The following PAK5 variants were observed in gnomAD, a reference collection of about 807,000 sequenced individuals.
PAK5 encodes the protein p21 (RAC1) activated kinase 5, also known as serine/threonine-protein kinase PAK 5.
In PAK5, 16 loss-of-function variants were observed where a neutral mutation model predicts 65.9. The observed-to-expected ratio is 0.24, with a 90% CI of 0.16 to 0.37. PAK5 has a LOEUF of 0.37. PAK5 is among the 10% of genes least tolerant of loss of function. The pLI is 1.00. For missense variants in PAK5, 785 were observed against 903.9 expected (o/e 0.87, Z 1.69); for synonymous variants, 371 against 354.9 (o/e 1.05, Z -0.51).
rs372998735 is a variant in PAK5 at position 9,691,660 on chromosome 20, CA to C, written c.-12+19625del. On this transcript the variant is annotated intron_variant, in intron 2 of 9. Transcript: ENST00000353224. ...ACCTAATTTTAATGATTAATATTCA[CA>C]AATAAGTCACAAATCATAGTCTATT... Among the ~76,000 whole-genome samples the C allele has an allele frequency of 7.1e-3, 1,074 of 152,192 alleles. 16 individuals carry two copies. Among genetic ancestry groups the C allele is most frequent in the African/African-American group, 0.025 (1,021 of 41,508 alleles).
intron 2 of PAK5, among the ~76,000 whole-genome samples, chr20:9,662,987 A>G (rs2123338698): frequency 6.6e-6 from 1 of 152,308 alleles, no homozygotes; most frequent in South Asian, 2.1e-4. Context: ...CAAATATAAA[A>G]TGGCAACAAT....
At chr20:9,648,795 C>A (rs2123290850) in intron 2 of PAK5, among the ~76,000 whole-genome samples, 1 of 152,284 alleles carries the variant, frequency 6.6e-6, no homozygotes, top group Non-Finnish European at 1.5e-5. Flanking sequence ...CTGTATTTAC[C>A]TTCTCTGCCA....
intron 4 of PAK5, among the ~76,000 whole-genome samples, chr20:9,569,574 A>G (rs960821857): frequency 1.3e-5 from 2 of 152,166 alleles, no homozygotes; most frequent in East Asian, 1.9e-4. Context: ...AGGAAGGGCT[A>G]ATGAATCCTG....
At chr20:9,746,943 T>C (rs1448533829) in intron 1 of PAK5, among the ~76,000 whole-genome samples, 1 of 151,924 alleles carries the variant, frequency 6.6e-6, no homozygotes, top group Non-Finnish European at 1.5e-5. Flanking sequence ...ACTAGCAAGA[T>C]TAACAAAGCA....
At chr20:9,632,646 T>A (rs1275952573) in intron 3 of PAK5, among the ~76,000 whole-genome samples, 3 of 152,226 alleles carry the variant, frequency 2.0e-5, no homozygotes, top group Non-Finnish European at 4.4e-5. Context: ...GATTTCTACA[T>A]GATCGAATCA....
At chr20:9,671,457 T>C (rs1247246286) in intron 2 of PAK5, among the ~76,000 whole-genome samples, 1 of 152,030 alleles carries the variant, frequency 6.6e-6, no homozygotes, top group Non-Finnish European at 1.5e-5. Flanking sequence ...CATTGAGCAG[T>C]GGTTTGTAGT....
At chr20:9,699,356 C>T (rs1383719913) in intron 2 of PAK5, among the ~76,000 whole-genome samples, 3 of 151,994 alleles carry the variant, frequency 2.0e-5, no homozygotes, top group Admixed American at 6.6e-5. Flanking sequence ...CTTTTAGGTA[C>T]TTTCCAATTG....
At chr20:9,676,838 T>C (rs2047579477) in intron 2 of PAK5, among the ~76,000 whole-genome samples, 1 of 152,192 alleles carries the variant, frequency 6.6e-6, no homozygotes, top group South Asian at 2.1e-4. Flanking sequence ...CAGTTTTGTA[T>C]ATTTGCTGAT....
chr20:9,690,721 G>A (rs1006172548), intron 2 of PAK5, among the ~76,000 whole-genome samples: 4 of 149,048 alleles, frequency 2.7e-5, no homozygotes, highest in African/African-American at 9.9e-5. Context: ...TCCAGGGGTA[G>A]TCCTCAGCAT....
chr20:9,643,357 C>T (rs1381725886), intron 3 of PAK5, among the ~76,000 whole-genome samples: 1 of 152,162 alleles, frequency 6.6e-6, no homozygotes, highest in East Asian at 1.9e-4. Flanking sequence ...ACTGCAATCC[C>T]TGGATTTTCT....
intron 3 of PAK5, among the ~76,000 whole-genome samples, chr20:9,595,237 G>C (rs9917477): frequency 0.057 from 8,626 of 151,936 alleles, 388 homozygotes; most frequent in African/African-American, 0.13. Flanking sequence ...AACAGAAAAG[G>C]AAAAATGATT....
chr20:9,545,208 C>T (rs186685181), intron 7 of PAK5, among the ~76,000 whole-genome samples: 69 of 152,126 alleles, frequency 4.5e-4, no homozygotes, highest in Admixed American at 1.2e-3. Flanking sequence ...TGTTATTTAC[C>T]TTAGATATCA....
Position 9,708,791 on chromosome 20 carries a change from G to A in PAK5, c.-12+2495C>T, listed in dbSNP as rs2048041096. 5.3e-5 allele frequency among the ~76,000 whole-genome samples: 8 copies of A among 152,262 alleles called. No individual in the cohort carries two copies. In the South Asian group the frequency reaches 1.0e-3, roughly 20 times the overall value. On this transcript the variant is annotated intron_variant, in intron 2 of 9. Coordinates refer to ENST00000353224, the MANE Select transcript of PAK5 (RefSeq NM_177990.4). ...CCCTTAGTCGAGACATATGGGAGAAGATAGCTAAATACCCTAATTTCCATG... is the reference window on the plus strand; with the variant it reads ...CCCTTAGTCGAGACATATGGGAGAAAATAGCTAAATACCCTAATTTCCATG...
At chr20:9,641,236 A>G (rs1430460438) in intron 3 of PAK5, among the ~76,000 whole-genome samples, 2 of 151,694 alleles carry the variant, frequency 1.3e-5, no homozygotes, top group Non-Finnish European at 2.9e-5. Flanking sequence ...TGAGCTAAAC[A>G]CAGGGTGCTG....
At chr20:9,609,884 T>C (rs1264710335) in intron 3 of PAK5, among the ~76,000 whole-genome samples, 1 of 152,222 alleles carries the variant, frequency 6.6e-6, no homozygotes, top group African/African-American at 2.4e-5. Context: ...CAGATGGATA[T>C]GTAACACTCT....
At chr20:9,764,304 G>T (rs2048732241) in intron 1 of PAK5, among the ~76,000 whole-genome samples, 1 of 152,062 alleles carries the variant, frequency 6.6e-6, no homozygotes, top group Non-Finnish European at 1.5e-5. Context: ...TAACAGTTTT[G>T]GTAGGCATAC....
intron 1 of PAK5, among the ~76,000 whole-genome samples, chr20:9,806,780 T>C (rs932215342): frequency 5.9e-5 from 9 of 152,198 alleles, no homozygotes; most frequent in African/African-American, 2.2e-4. Context: ...TTATATTAAT[T>C]TCCTATCGCT....
At chr20:9,555,773 A>G (rs995930627) in intron 7 of PAK5, among the ~76,000 whole-genome samples, 2 of 152,212 alleles carry the variant, frequency 1.3e-5, no homozygotes, top group African/African-American at 2.4e-5. Context: ...TAAATATAAT[A>G]TAAGCACAGG....
chr20:9,664,863 A>G (rs575496741), intron 2 of PAK5, among the ~76,000 whole-genome samples: 3 of 152,220 alleles, frequency 2.0e-5, no homozygotes, highest in South Asian at 2.1e-4. Context: ...TAATTATTTT[A>G]CTAAAAAAAA....
Sources: gnomAD v4.1 joint callset for allele counts (sites outside exome capture counted in the v4.1 genomes callset) on GRCh38, gnomAD v4.1.1 for gene constraint, MANE v1.5 for transcripts, NCBI Gene and HGNC (gene_info 2026-07-23, HGNC 2026-07-21) for gene names.